ZNF521: variants seen among roughly 807,000 people sequenced by gnomAD.
ZNF521 encodes LYST-interacting protein 3.
In ZNF521, 14 loss-of-function variants were observed where a neutral mutation model predicts 105.5. The observed-to-expected ratio is 0.13, with a 90% CI of 0.09 to 0.21. The LOEUF is 0.21. Among genes scored for constraint, ZNF521 ranks in the 10% least tolerant of loss-of-function variants. ZNF521 has a pLI of 1.00. For missense variants in ZNF521, 1,233 were observed against 1,629.7 expected, an observed-to-expected ratio of 0.76 and a Z score of 4.19; for synonymous variants, 635 against 606.0, an observed-to-expected ratio of 1.05 and a Z score of -0.70.
chr18:25,346,341 C>A (rs144571292), intron 2 of ZNF521, among the ~76,000 whole-genome samples: 67 of 151,674 alleles, frequency 4.4e-4, no homozygotes, highest in African/African-American at 1.6e-3. Flanking sequence ...TGACTTTGAA[C>A]ATAAGAGAAA....
At chr18:25,173,154 C>T (rs760038802) in intron 5 of ZNF521, among the ~76,000 whole-genome samples, 49 of 152,178 alleles carry the variant, frequency 3.2e-4, no homozygotes, top group Non-Finnish European at 6.2e-4. Context: ...GACACATATT[C>T]AATTTTTATT....
chr18:25,170,245 C>T (rs1229002271), intron 5 of ZNF521, among the ~76,000 whole-genome samples: 2 of 151,952 alleles, frequency 1.3e-5, no homozygotes, highest in Non-Finnish European at 2.9e-5. Context: ...AAAATCTTCA[C>T]TAACCTGAAA....
chr18:25,104,274 C>A (rs530128269), intron 5 of ZNF521, among the ~76,000 whole-genome samples: 1 of 152,216 alleles, frequency 6.6e-6, no homozygotes, highest in South Asian at 2.1e-4. Context: ...TAATGACTCT[C>A]CTAACACAAA....
At chr18:25,171,037 A>C (rs1216526650) in intron 5 of ZNF521, among the ~76,000 whole-genome samples, 5 of 152,284 alleles carry the variant, frequency 3.3e-5, no homozygotes, top group African/African-American at 9.6e-5. Flanking sequence ...TAGTTATGAG[A>C]GACAGACAAC....
At chr18:25,268,681 T>A (rs780533412) in intron 3 of ZNF521, among the ~76,000 whole-genome samples, 1 of 152,136 alleles carries the variant, frequency 6.6e-6, no homozygotes, top group Non-Finnish European at 1.5e-5. Context: ...GCCAAACTAA[T>A]CTTCTTAAGT....
intron 3 of ZNF521, among the ~76,000 whole-genome samples, chr18:25,240,536 G>A (rs955094560): frequency 1.1e-4 from 16 of 152,114 alleles, no homozygotes; most frequent in African/African-American, 2.9e-4. Context: ...TACGCAGCAC[G>A]CATCTTCTGT....
At chr18:25,100,127 T>C (rs2033938965) in intron 5 of ZNF521, among the ~76,000 whole-genome samples, 1 of 151,506 alleles carries the variant, frequency 6.6e-6, no homozygotes, top group Non-Finnish European at 1.5e-5. Context: ...CTTCTTGGCA[T>C]AAAGCCACTA....
chr18:25,065,577 T>C (rs190379603), intron 7 of ZNF521, among the ~76,000 whole-genome samples: 3 of 152,232 alleles, frequency 2.0e-5, no homozygotes, highest in Admixed American at 2.0e-4. Context: ...ACTCAACCTG[T>C]ATTTACCTAA....
intron 3 of ZNF521, among the ~76,000 whole-genome samples, chr18:25,233,241 A>G (rs577307790): frequency 3.3e-5 from 5 of 152,202 alleles, no homozygotes; most frequent in Admixed American, 3.3e-4. Context: ...CTAAAAAAAA[A>G]CTATTATACA....
At chr18:25,331,898 T>TC (rs1183053031) in intron 2 of ZNF521, among the ~76,000 whole-genome samples, 6 of 150,128 alleles carry the variant, frequency 4.0e-5, no homozygotes, top group East Asian at 1.9e-4. Flanking sequence ...TTTTTCTTTT[T>TC]TTTTTTTTTT....
At chr18:25,306,755 A>G (rs1246131834) in intron 3 of ZNF521, among the ~76,000 whole-genome samples, 1 of 152,136 alleles carries the variant, frequency 6.6e-6, no homozygotes, top group East Asian at 1.9e-4. Context: ...AAGAAAAAGA[A>G]AGAAAAAAAG....
At chr18:25,291,714 G>A (rs530266267) in intron 3 of ZNF521, among the ~76,000 whole-genome samples, 4 of 152,030 alleles carry the variant, frequency 2.6e-5, no homozygotes, top group Admixed American at 6.5e-5. Flanking sequence ...CACCCTTCTC[G>A]CCAAGCCCTC....
intron 3 of ZNF521, among the ~76,000 whole-genome samples, chr18:25,249,848 G>A (rs920269300): frequency 5.9e-5 from 9 of 152,172 alleles, no homozygotes; most frequent in African/African-American, 2.2e-4. Context: ...ACTTGCAGGG[G>A]ACAGAGGCTG....
At chr18:25,222,803 CTTAA>C (rs1905819364) in intron 4 of ZNF521, among the ~76,000 whole-genome samples, 1 of 152,130 alleles carries the variant, frequency 6.6e-6, no homozygotes, top group Non-Finnish European at 1.5e-5. Context: ...TATGGGATTA[CTTAA>C]TTTCCTTTTT....
intron 5 of ZNF521, among the ~76,000 whole-genome samples, chr18:25,121,050 A>C (rs1218738644): frequency 6.6e-6 from 1 of 152,100 alleles, no homozygotes; most frequent in Non-Finnish European, 1.5e-5. Flanking sequence ...AAAACAAAAA[A>C]ATAATACTGA....
intron 3 of ZNF521, among the ~76,000 whole-genome samples, chr18:25,311,184 G>A (rs1332775434): frequency 6.6e-6 from 1 of 152,094 alleles, no homozygotes; most frequent in African/African-American, 2.4e-5. Flanking sequence ...CTATTAAGAG[G>A]TCATAGATCT....
intron 5 of ZNF521, among the ~76,000 whole-genome samples, chr18:25,149,166 T>C (rs80347367): frequency 0.018 from 2,811 of 152,292 alleles, 81 homozygotes; most frequent in African/African-American, 0.062. Flanking sequence ...TCTTTGTCCA[T>C]GTAGCTGCTG....
chr18:25,195,282 T>C, intron 4 of ZNF521, 38 bp from the exon 5 acceptor site: 3 of 1,439,852 alleles, frequency 2.1e-6, no homozygotes, highest in Non-Finnish European at 2.9e-6. Context: ...CTTAGACACA[T>C]GGACTTTTAA....
At chr18:25,265,557 C>T (rs1248287954) in intron 3 of ZNF521, among the ~76,000 whole-genome samples, 2 of 152,196 alleles carry the variant, frequency 1.3e-5, no homozygotes, top group Admixed American at 1.3e-4. Context: ...TTCATTCTCA[C>T]ATCCTGTTCC....
Sources: gnomAD v4.1 joint callset for allele counts (sites outside exome capture counted in the v4.1 genomes callset) on GRCh38, gnomAD v4.1.1 for gene constraint, MANE v1.5 for transcripts, NCBI Gene and HGNC (gene_info 2026-07-23, HGNC 2026-07-21) for gene names.